FAM50B: variants seen among roughly 807,000 people sequenced by gnomAD.
FAM50B encodes protein FAM50B.
In FAM50B, 9 loss-of-function variants were observed where a neutral mutation model predicts 25.4. The ratio of observed to expected loss-of-function variants is 0.35; its 90% CI spans 0.21 to 0.62. The LOEUF (loss-of-function observed/expected upper bound fraction) is 0.62. FAM50B is among the 20% of genes least tolerant of loss of function. FAM50B has a pLI of 0.73. For missense variants in FAM50B, 372 were observed against 477.9 expected (o/e 0.78, Z 2.07); for synonymous variants, 212 against 204.3 (o/e 1.04, Z -0.32).
chr6:3,835,967 A>G, the FAM50B span, among the ~76,000 whole-genome samples: 4 of 152,308 alleles, frequency 2.6e-5, no homozygotes, highest in African/African-American at 9.6e-5. Context: ...CAAAATAGAG[A>G]ATTGAAAGTG....
chr6:3,833,240 G>T, the FAM50B span, among the ~76,000 whole-genome samples: 1 of 152,158 alleles, frequency 6.6e-6, no homozygotes, highest in Non-Finnish European at 1.5e-5. Flanking sequence ...CTGTGGGGTG[G>T]TAATTTAGGA....
At chr6:3,837,809 T>A in the FAM50B span, among the ~76,000 whole-genome samples, 1 of 152,150 alleles carries the variant, frequency 6.6e-6, no homozygotes, top group East Asian at 1.9e-4. Flanking sequence ...CCCTCCCTTG[T>A]GATAACTAAC....
the FAM50B span, among the ~76,000 whole-genome samples, chr6:3,841,198 T>G: frequency 6.6e-6 from 1 of 152,218 alleles, no homozygotes; most frequent in South Asian, 2.1e-4. Flanking sequence ...GGCAGTATCT[T>G]CCATGTTTAC....
chr6:3,843,659 AG>A, the FAM50B span, among the ~76,000 whole-genome samples: 3 of 152,156 alleles, frequency 2.0e-5, no homozygotes, highest in African/African-American at 7.2e-5. Flanking sequence ...TGAACATGTG[AG>A]GGTTCTTCCC....
chr6:3,848,892 T>C (rs1762155668), upstream of FAM50B, among the ~76,000 whole-genome samples: 3 of 152,206 alleles, frequency 2.0e-5, no homozygotes, highest in South Asian at 6.2e-4. Context: ...AGAATGGTTG[T>C]GTTGGGGCCA....
chr6:3,849,698 C>T, intron 1 of FAM50B, 91 bp from the exon 2 acceptor site: 1 of 1,437,062 alleles, frequency 7.0e-7, no homozygotes, highest in Non-Finnish European at 9.1e-7. Context: ...TCCATCACTG[C>T]CGAAAGCCCT....
At position 3,850,466 on chromosome 6, in the gene FAM50B, G is replaced by A. The variant is rs1450103867; in HGVS notation, c.655G>A (p.Gly219Arg). 1 of 1,613,470 alleles carries A rather than the reference G, an allele frequency of 6.2e-7. No homozygotes were observed. The highest frequency in any genetic ancestry group is 1.7e-5 in the Admixed American group (1 of 60,016). The change falls in exon 2 of 2, where the codon GGG becomes AGG. Residue 219 changes from glycine to arginine, a missense_variant. Gly to Arg is a moderately radical substitution (Grantham distance 125, BLOSUM62 -2). This residue lies in a region of FAM50B where 224 missense variants were observed against 232.2 expected (regional missense o/e 0.96). Transcript: ENST00000648326. ...GCAGTTCCTGAAGAAGGCGCTGCAG[G>A]GGCTGCGCAAGGACTTCCTGGAGCT... is the stretch of plus-strand genomic sequence containing the variant. ...VQQFLKKALQGLRKDFLELRS... is the reference protein window; with the variant it reads ...VQQFLKKALQRLRKDFLELRS...
At chr6:3,841,408 G>A in the FAM50B span, among the ~76,000 whole-genome samples, 1 of 152,178 alleles carries the variant, frequency 6.6e-6, no homozygotes, top group African/African-American at 2.4e-5. Context: ...GTGCTCCAGG[G>A]CGGTGGTTCC....
chr6:3,840,231 G>A, the FAM50B span, among the ~76,000 whole-genome samples: 2 of 152,018 alleles, frequency 1.3e-5, no homozygotes, highest in Admixed American at 1.3e-4. Context: ...CTGACCTCGT[G>A]ATCCGCCCGC....
chr6:3,840,932 A>G, the FAM50B span, among the ~76,000 whole-genome samples: 2 of 152,258 alleles, frequency 1.3e-5, no homozygotes, highest in African/African-American at 4.8e-5. Flanking sequence ...AAGTGTAACT[A>G]GGGATAAATG....
Position 3,850,726 on chromosome 6 carries a change from C to T in FAM50B, c.915C>T (p.Phe305=), listed in dbSNP as rs779634503. ...RSWYEKNKHI[F]PASRWEAYDP... ...GGTACGAGAAGAACAAGCACATCTT[C>T]CCCGCCAGCCGCTGGGAGGCCTATG... Residue 305 remains phenylalanine, a synonymous_variant, in exon 2 of 2, where the codon TTC becomes TTT. Coordinates refer to ENST00000648326, the MANE Select transcript of FAM50B (RefSeq NM_012135.3). The T allele has an allele frequency of 1.9e-6, 3 of 1,614,078 alleles. No individual in the cohort carries two copies. The highest frequency in any genetic ancestry group is 1.7e-5 in the Admixed American group (1 of 60,034).
upstream of FAM50B, among the ~76,000 whole-genome samples, chr6:3,845,701 G>A (rs995054753): frequency 2.6e-5 from 4 of 152,094 alleles, no homozygotes; most frequent in African/African-American, 9.7e-5. Flanking sequence ...AGTACGTCCA[G>A]AGGTAACAGT....
chr6:3,841,626 T>C, the FAM50B span, among the ~76,000 whole-genome samples: 6 of 152,250 alleles, frequency 3.9e-5, no homozygotes, highest in Admixed American at 6.5e-5. Context: ...TGATTTGTTT[T>C]GTCTTCAGGG....
At chr6:3,845,171 T>G (rs1403482957), upstream of FAM50B, among the ~76,000 whole-genome samples, 1 of 152,236 alleles carries the variant, frequency 6.6e-6, no homozygotes, top group Non-Finnish European at 1.5e-5. Flanking sequence ...GTTATCATCT[T>G]GGAACTTAGG....
At chr6:3,832,825 G>A in the FAM50B span, among the ~76,000 whole-genome samples, 3 of 151,986 alleles carry the variant, frequency 2.0e-5, no homozygotes, top group South Asian at 2.1e-4. Context: ...TCACCCTTAT[G>A]TTGAATAGCT....
chr6:3,847,936 A>T (rs1363234115), upstream of FAM50B, among the ~76,000 whole-genome samples: 1 of 152,278 alleles, frequency 6.6e-6, no homozygotes, highest in Non-Finnish European at 1.5e-5. Flanking sequence ...ACAGCCAGTC[A>T]GTGGAGCAGT....
chr6:3,832,662 C>T, the FAM50B span, among the ~76,000 whole-genome samples: 53 of 152,234 alleles, frequency 3.5e-4, 1 homozygote, highest in African/African-American at 1.3e-3. Context: ...CCCCTGTTTT[C>T]CCCACCCCAC....
At chr6:3,834,455 T>G in the FAM50B span, among the ~76,000 whole-genome samples, 1 of 150,112 alleles carries the variant, frequency 6.7e-6, no homozygotes, top group East Asian at 1.9e-4. Context: ...GGAGCTTATA[T>G]GAAAGATCAG....
chr6:3,840,964 T>G, the FAM50B span, among the ~76,000 whole-genome samples: 20 of 152,256 alleles, frequency 1.3e-4, no homozygotes, highest in Non-Finnish European at 2.6e-4. Flanking sequence ...GCTCATGTCT[T>G]TTTATTTATT....
Sources: allele counts gnomAD v4.1 joint callset (sites outside exome capture counted in the v4.1 genomes callset), GRCh38; gene constraint gnomAD v4.1.1; regional missense constraint gnomAD v4.1.1; transcripts MANE v1.5; gene names NCBI Gene and HGNC (gene_info 2026-07-23, HGNC 2026-07-21).